The following NEMP2 variants were observed in gnomAD, a reference collection of about 807,000 sequenced individuals.
NEMP2 encodes the protein UPF0571 transmembrane protein.
In NEMP2, 53 loss-of-function variants were observed where a neutral mutation model predicts 54.2. The observed-to-expected ratio is 0.98, with a 90% CI of 0.78 to 1.23. The LOEUF is 1.23. NEMP2 is among the 50% of genes most tolerant of loss of function. The pLI, the probability that NEMP2 is intolerant of heterozygous loss-of-function variation, is 0.00. For synonymous variants in NEMP2, 197 were observed against 190.3 expected (o/e 1.04, Z -0.29); for missense variants, 455 against 511.3 (o/e 0.89, Z 1.06).
chr2:190,549,120 A>C, the NEMP2 span, among the ~76,000 whole-genome samples: 3 of 152,314 alleles, frequency 2.0e-5, no homozygotes, highest in Non-Finnish European at 4.4e-5. Flanking sequence ...GCTGAGTATC[A>C]CTGTTTTCAT....
downstream of NEMP2, chr2:190,501,634 A>G (rs1690030032): frequency 6.6e-6 from 1 of 152,570 alleles, no homozygotes; most frequent in Non-Finnish European, 1.5e-5. Flanking sequence ...ATTAGACAGG[A>G]TCAATTGTAA....
At chr2:190,608,401 C>T in the NEMP2 span, 4 of 152,058 alleles carry the variant, frequency 2.6e-5, no homozygotes, top group African/African-American at 7.2e-5. The surrounding 1 kb of genome is among the most constrained non-coding windows in gnomAD (Gnocchi z 4.9). Flanking sequence ...ATCTTTTACC[C>T]GTGAATTTGT....
chr2:190,618,230 C>T, the NEMP2 span, among the ~76,000 whole-genome samples: 10 of 152,138 alleles, frequency 6.6e-5, no homozygotes, highest in East Asian at 3.8e-4. Context: ...TAGTGTAGAC[C>T]GAGTTACAAA....
At chr2:190,474,604 C>T in the NEMP2 span, among the ~76,000 whole-genome samples, 1 of 152,080 alleles carries the variant, frequency 6.6e-6, no homozygotes, top group Non-Finnish European at 1.5e-5. Flanking sequence ...AGTCCAGGAC[C>T]AGATGGATTC....
At chr2:190,540,720 T>C in the NEMP2 span, among the ~76,000 whole-genome samples, 2 of 152,224 alleles carry the variant, frequency 1.3e-5, no homozygotes, top group Admixed American at 6.5e-5. Context: ...TATCTGGTTT[T>C]GGTGTCAAGG....
At chr2:190,600,721 T>G in the NEMP2 span, among the ~76,000 whole-genome samples, 253 of 152,276 alleles carry the variant, frequency 1.7e-3, 3 homozygotes, top group African/African-American at 5.8e-3. The surrounding 1 kb of genome is among the most constrained non-coding windows in gnomAD (Gnocchi z 4.9). Context: ...CCTCATCAGA[T>G]GCAGATGCCC....
chr2:190,551,142 G>C, the NEMP2 span, among the ~76,000 whole-genome samples: 9 of 136,854 alleles, frequency 6.6e-5, no homozygotes, highest in African/African-American at 2.5e-4. Context: ...GGTGTTATTT[G>C]TTGTAGGTCA....
the NEMP2 span, among the ~76,000 whole-genome samples, chr2:190,554,104 C>A: frequency 8.3e-4 from 126 of 152,296 alleles, no homozygotes; most frequent in Non-Finnish European, 1.4e-3. This position sits in a 1 kb window ranked among gnomAD's most constrained non-coding sequence, Gnocchi z 5.7. Context: ...TCATTAGGCA[C>A]TGTACCATGC....
At chr2:190,436,051 A>G in the NEMP2 span, 9 of 1,613,024 alleles carry the variant, frequency 5.6e-6, no homozygotes, top group South Asian at 6.6e-5. This position sits in a 1 kb window ranked among gnomAD's most constrained non-coding sequence, Gnocchi z 5.3. Flanking sequence ...TAAAGTTGCT[A>G]TCTTAACGGA....
the NEMP2 span, among the ~76,000 whole-genome samples, chr2:190,606,124 C>T: frequency 1.1e-4 from 16 of 152,308 alleles, no homozygotes; most frequent in Middle Eastern, 3.4e-3. Flanking sequence ...AAGCTAAGGC[C>T]GGACCAAAAT....
the NEMP2 span, among the ~76,000 whole-genome samples, chr2:190,633,868 C>G: frequency 6.6e-6 from 1 of 152,128 alleles, no homozygotes; most frequent in Non-Finnish European, 1.5e-5. Flanking sequence ...GCCTGGAATA[C>G]AAGACCACCC....
the NEMP2 span, among the ~76,000 whole-genome samples, chr2:190,428,017 C>T: frequency 6.6e-6 from 1 of 152,230 alleles, no homozygotes; most frequent in Non-Finnish European, 1.5e-5. Context: ...CAGGCGTGAG[C>T]CACTGTGCCC....
the NEMP2 span, among the ~76,000 whole-genome samples, chr2:190,602,140 T>C: frequency 2.0e-5 from 3 of 151,978 alleles, no homozygotes; most frequent in Non-Finnish European, 4.4e-5. Context: ...GAGACTGAGA[T>C]AGGGAGATGG....
chr2:190,493,939 G>A, the NEMP2 span, among the ~76,000 whole-genome samples: 2 of 151,744 alleles, frequency 1.3e-5, no homozygotes, highest in African/African-American at 4.8e-5. Context: ...ACAATCTAAG[G>A]TCACACCTCA....
chr2:190,470,991 A>G, the NEMP2 span, among the ~76,000 whole-genome samples: 3 of 152,174 alleles, frequency 2.0e-5, no homozygotes, highest in African/African-American at 4.8e-5. Context: ...AAATATATAG[A>G]AAATGGAAAC....
At chr2:190,582,706 AG>A in the NEMP2 span, among the ~76,000 whole-genome samples, 2 of 152,208 alleles carry the variant, frequency 1.3e-5, no homozygotes, top group South Asian at 2.1e-4. The surrounding 1 kb of genome is among the most constrained non-coding windows in gnomAD (Gnocchi z 4.6). Flanking sequence ...GAGCAAGAGC[AG>A]GGGTGAGGAA....
chr2:190,616,300 GA>G, the NEMP2 span, among the ~76,000 whole-genome samples: 1 of 150,650 alleles, frequency 6.6e-6, no homozygotes. The surrounding 1 kb of genome is among the most constrained non-coding windows in gnomAD (Gnocchi z 5.1). Context: ...AGAAAGTGAA[GA>G]AAAAAAAGGA....
chr2:190,519,296 A>G lies in NEMP2; in HGVS notation c.214-113T>C. The G allele has an allele frequency of 4.1e-6, 3 of 728,046 alleles. No homozygotes were observed. Among genetic ancestry groups the G allele is most frequent in the Non-Finnish European group, 6.7e-6 (3 of 448,882 alleles). The allele number at this position is 728,046 out of a possible 1,614,324, so 45.1% of individuals were successfully genotyped here. A position where few individuals can be genotyped will look rare whatever the true frequency, so the allele number is the denominator to read the frequency against. The stretch of plus-strand genomic sequence containing the variant: ...GAGTGCAGTGGCAGGATCTCTGCTC[A>G]CTGCAACCTGTGCCTCCAGGGCTCA... On this transcript the variant is annotated intron_variant, in intron 2 of 8. Coordinates refer to ENST00000409150, the MANE Select transcript of NEMP2 (RefSeq NM_001142645.2). This position sits in a 1 kb window ranked among gnomAD's most constrained non-coding sequence, Gnocchi z 5.4.
At chr2:190,437,223 C>T in the NEMP2 span, 32 of 1,614,102 alleles carry the variant, frequency 2.0e-5, no homozygotes, top group Middle Eastern at 1.6e-4. The surrounding 1 kb of genome is among the most constrained non-coding windows in gnomAD (Gnocchi z 5.9). Flanking sequence ...ATTTCAAAAA[C>T]GATGATTCTA....
Sources: gnomAD v4.1 joint callset for allele counts (sites outside exome capture counted in the v4.1 genomes callset) on GRCh38, gnomAD v4.1.1 for gene constraint, Gnocchi (gnomAD v3.1) non-coding constraint, MANE v1.5 for transcripts, NCBI Gene and HGNC (gene_info 2026-07-23, HGNC 2026-07-21) for gene names.